The following CTNNA3 variants were observed in gnomAD, a reference collection of about 807,000 sequenced individuals.
CTNNA3 encodes the protein catenin alpha 3, also known as catenin alpha-3.
Under a neutral mutation model 95.7 loss-of-function variants are expected in CTNNA3, and 76 were observed. The observed-to-expected ratio is 0.79, with a 90% CI of 0.66 to 0.96. CTNNA3 has a LOEUF of 0.96. CTNNA3 is among the 40% of genes least tolerant of loss of function. The pLI is 0.00. For missense variants in CTNNA3, 1,191 were observed against 1,089.8 expected (o/e 1.09, Z -1.31); for synonymous variants, 431 against 374.4 (o/e 1.15, Z -1.74).
rs539045373 is a variant in CTNNA3 at position 66,442,852 on chromosome 10, G to A, written c.1532-63500C>T. 1.0e-3 allele frequency among the ~76,000 whole-genome samples: 155 copies of A among 152,304 alleles called. 4 individuals are homozygous for A. Among genetic ancestry groups the A allele is most frequent in the Admixed American group, 9.8e-4 (15 of 15,306 alleles). Reference sequence around the variant, plus strand: ...TGCACCATGCACGAGCCAAAGCAGGGTGAGGCACTGCCTCACTCGGGAAGC... The same window carrying A: ...TGCACCATGCACGAGCCAAAGCAGGATGAGGCACTGCCTCACTCGGGAAGC... On this transcript the variant is annotated intron_variant, in intron 11 of 17. Coordinates refer to ENST00000433211, the MANE Select transcript of CTNNA3 (RefSeq NM_013266.4).
intron 17 of CTNNA3, among the ~76,000 whole-genome samples, chr10:65,935,867 A>C (rs558926971): frequency 3.3e-5 from 5 of 152,264 alleles, no homozygotes; most frequent in South Asian, 4.1e-4. Context: ...ACTTTTATGG[A>C]TAATGATATG....
intron 3 of CTNNA3, among the ~76,000 whole-genome samples, chr10:67,549,859 C>G (rs551486590): frequency 7.4e-4 from 113 of 152,286 alleles, no homozygotes; most frequent in Admixed American, 1.6e-3. Context: ...CATTCTTCAA[C>G]ACACAGAGTT....
At chr10:66,446,202 A>G (rs1416926474) in intron 11 of CTNNA3, among the ~76,000 whole-genome samples, 2 of 152,338 alleles carry the variant, frequency 1.3e-5, no homozygotes, top group East Asian at 3.9e-4. Context: ...AACCAAAAAA[A>G]GTCCAGGACC....
chr10:66,372,640 G>A (rs766364902), intron 12 of CTNNA3, among the ~76,000 whole-genome samples: 5 of 152,166 alleles, frequency 3.3e-5, no homozygotes. Context: ...ACCTGAGACT[G>A]GCTAATTTAT....
At chr10:67,345,969 G>GT (rs999886312) in intron 5 of CTNNA3, among the ~76,000 whole-genome samples, 21 of 151,906 alleles carry the variant, frequency 1.4e-4, no homozygotes, top group African/African-American at 5.1e-4. Flanking sequence ...TTAGTTTCTT[G>GT]TTTTTTTTAT....
chr10:66,774,026 A>G (rs1840197256), intron 8 of CTNNA3, among the ~76,000 whole-genome samples: 1 of 152,184 alleles, frequency 6.6e-6, no homozygotes, highest in African/African-American at 2.4e-5. Flanking sequence ...TTGTGCTTTT[A>G]TTTGCTAAAT....
At chr10:67,457,432 T>C (rs891053800) in intron 5 of CTNNA3, among the ~76,000 whole-genome samples, 1 of 152,206 alleles carries the variant, frequency 6.6e-6, no homozygotes, top group African/African-American at 2.4e-5. Flanking sequence ...TTGAATCCTC[T>C]GCCTTTAATT....
chr10:67,738,689 A>G (rs1034934467), intron 1 of CTNNA3, among the ~76,000 whole-genome samples: 8 of 145,252 alleles, frequency 5.5e-5, no homozygotes, highest in Non-Finnish European at 9.2e-5. Flanking sequence ...TAAAACCTTG[A>G]AAAAAAAAAA....
chr10:66,096,483 A>G (rs1451186340), intron 14 of CTNNA3, among the ~76,000 whole-genome samples: 4 of 151,700 alleles, frequency 2.6e-5, no homozygotes, highest in Admixed American at 2.0e-4. Context: ...ATCTAGAAAA[A>G]TTAAATGTTG....
chr10:67,373,067 A>G (rs6480257), intron 5 of CTNNA3, among the ~76,000 whole-genome samples: 109,051 of 152,110 alleles, frequency 0.72, 43,171 homozygotes, highest in Non-Finnish European at 0.88. Flanking sequence ...AACTGCATCA[A>G]CTAACGTGCA....
intron 7 of CTNNA3, among the ~76,000 whole-genome samples, chr10:66,996,196 G>C (rs1380425883): frequency 6.6e-6 from 1 of 152,124 alleles, no homozygotes; most frequent in Non-Finnish European, 1.5e-5. Context: ...TGGTTTCAAG[G>C]AGACTGATAT....
intron 7 of CTNNA3, among the ~76,000 whole-genome samples, chr10:66,844,042 G>T (rs1322750611): frequency 6.6e-6 from 1 of 152,190 alleles, no homozygotes; most frequent in African/African-American, 2.4e-5. Context: ...TTTGCCTCTT[G>T]TCGGAAAATA....
At chr10:67,585,872 G>T (rs1247553326) in intron 3 of CTNNA3, among the ~76,000 whole-genome samples, 3 of 151,542 alleles carry the variant, frequency 2.0e-5, no homozygotes, top group Non-Finnish European at 4.4e-5. Flanking sequence ...CTAATTTGGG[G>T]TTTTGTTTGT....
chr10:66,516,064 GA>G (rs5785760), intron 11 of CTNNA3, among the ~76,000 whole-genome samples: 5 of 141,214 alleles, frequency 3.5e-5, no homozygotes, highest in African/African-American at 1.3e-4. Context: ...TAATTATCTG[GA>G]AAAAAAAAAA....
At chr10:66,002,607 G>A (rs777233232) in intron 15 of CTNNA3, among the ~76,000 whole-genome samples, 6 of 152,124 alleles carry the variant, frequency 3.9e-5, no homozygotes, top group African/African-American at 1.4e-4. Context: ...TGGGTGGTGG[G>A]CTATGTACCA....
intron 7 of CTNNA3, among the ~76,000 whole-genome samples, chr10:66,898,529 G>T (rs926258109): frequency 6.6e-5 from 10 of 152,060 alleles, no homozygotes. Flanking sequence ...ACAGAATAGA[G>T]CATCCAGAAA....
intron 10 of CTNNA3, among the ~76,000 whole-genome samples, chr10:66,562,263 C>A (rs1429579541): frequency 2.0e-5 from 3 of 152,034 alleles, no homozygotes; most frequent in Non-Finnish European, 4.4e-5. Context: ...TGACAAATTT[C>A]TCTTATTTAC....
At chr10:66,382,918 A>G (rs2092853877) in intron 11 of CTNNA3, among the ~76,000 whole-genome samples, 1 of 152,206 alleles carries the variant, frequency 6.6e-6, no homozygotes, top group Admixed American at 6.5e-5. Flanking sequence ...AAGATCATCT[A>G]CACCAAAACG....
intron 5 of CTNNA3, among the ~76,000 whole-genome samples, chr10:67,442,750 C>A (rs933409602): frequency 3.3e-5 from 5 of 151,822 alleles, no homozygotes; most frequent in Admixed American, 6.6e-5. Flanking sequence ...GACAGGTAGA[C>A]CTCAATATAA....
Sources: gnomAD v4.1 joint callset for allele counts (sites outside exome capture counted in the v4.1 genomes callset) on GRCh38, gnomAD v4.1.1 for gene constraint, MANE v1.5 for transcripts, NCBI Gene and HGNC (gene_info 2026-07-23, HGNC 2026-07-21) for gene names.